The following SFTPA2 variants were observed in gnomAD, a reference collection of about 807,000 sequenced individuals.
SFTPA2 encodes pulmonary surfactant-associated protein A2.
SFTPA2 carries 21 observed loss-of-function variants against 20.3 expected under a neutral mutation model. The observed-to-expected ratio is 1.03, with a 90% CI of 0.73 to 1.49. The LOEUF (loss-of-function observed/expected upper bound fraction) is 1.49. SFTPA2 is among the 40% of genes most tolerant of loss of function. The pLI, the probability that SFTPA2 is intolerant of heterozygous loss-of-function variation, is 0.00. For missense variants in SFTPA2, 302 were observed against 314.8 expected (o/e 0.96, Z 0.31); for synonymous variants, 116 against 118.7 (o/e 0.98, Z 0.15).
At position 79,557,473 on chromosome 10, in the gene SFTPA2, G is replaced by T. The variant is rs370308896; in HGVS notation, c.483C>A (p.Arg161=). ...CCTCTGGATTCCTTGGGACAGCAATGCGGCCGCCTGCTCTGGCACATGCCT... is the reference window on the plus strand; with the variant it reads ...CCTCTGGATTCCTTGGGACAGCAATTCGGCCGCCTGCTCTGGCACATGCCT... ...IQEACARAGG[R]IAVPRNPEEN... The change falls in exon 6 of 6, where the codon CGC becomes CGA. Residue 161 remains arginine (R), a synonymous_variant. Coordinates refer to ENST00000372325, the MANE Select transcript of SFTPA2 (RefSeq NM_001098668.4). 2.4e-5 allele frequency: 38 copies of T among 1,613,666 alleles called. No individual in the cohort carries two copies. In the Middle Eastern group the frequency reaches 9.9e-4, roughly 42 times the overall value.
chr10:79,555,874 C>A lies in SFTPA2; in HGVS notation c.*1335G>T, dbSNP rs1327563338. The A allele has an allele frequency of 6.6e-6, 1 of 152,166 alleles. No individual in the cohort carries two copies. The highest frequency in any genetic ancestry group is 1.5e-5 in the Non-Finnish European group (1 of 68,028). 9.4% of individuals were successfully genotyped at this position (152,166 alleles called of 1,614,324 possible). On this transcript the variant is annotated 3_prime_UTR_variant, in exon 6 of 6. Coordinates refer to ENST00000372325, the MANE Select transcript of SFTPA2 (RefSeq NM_001098668.4). ...AGCTATGGAAACTCATGTGAACACA[C>A]TAACGATTTATTATGCTTAAATCAT... is the stretch of plus-strand genomic sequence containing the variant.
At chr10:79,557,919 A>G in intron 5 of SFTPA2, 133 bp downstream of exon 5, 1 of 1,441,508 alleles carries the variant, frequency 6.9e-7, no homozygotes, top group Admixed American at 1.7e-5. Context: ...ACATCAGAAA[A>G]GCAAGCATCA....
Position 79,557,535 on chromosome 10 carries a change from T to G in SFTPA2, c.421A>C (p.Ser141Arg), listed in dbSNP as rs2132047422. The G allele has an allele frequency of 6.2e-7, 1 of 1,613,042 alleles. No individual in the cohort carries two copies. Among genetic ancestry groups the G allele is most frequent in the Non-Finnish European group, 8.5e-7 (1 of 1,179,436 alleles). ...TCAAAAGTGATGGACTGCCCATTGCTGGAGAAGACCTTCTCTCCTACTGTC... is the reference window on the plus strand; with the variant it reads ...TCAAAAGTGATGGACTGCCCATTGCGGGAGAAGACCTTCTCTCCTACTGTC... ...IMTVGEKVFS[S>R]NGQSITFDAI... Residue 141 changes from serine (S) to arginine (R), a missense_variant, in exon 6 of 6, where the codon AGC (serine) becomes CGC (arginine). Physicochemically the swap from Ser to Arg is moderately radical, Grantham distance 110 (BLOSUM62 -1). Coordinates refer to ENST00000372325, the MANE Select transcript of SFTPA2 (RefSeq NM_001098668.4).
rs1228051242 is a variant in SFTPA2 at position 79,557,029 on chromosome 10, A to T, written c.*180T>A. On this transcript the variant is annotated 3_prime_UTR_variant, in exon 6 of 6. Transcript: ENST00000372325. ...AGGGGAGTGTCAAGGCTGGTCAGTG[A>T]TTATGGGGAAGAGTCAGGGCCCATC... 16 of 1,071,792 alleles carry T rather than the reference A, an allele frequency of 1.5e-5. No homozygotes were observed. Among genetic ancestry groups the T allele is most frequent in the Non-Finnish European group, 2.1e-5 (16 of 745,882 alleles). 66.4% of individuals were successfully genotyped at this position (1,071,792 alleles called of 1,614,324 possible). A position where few individuals can be genotyped will look rare whatever the true frequency, so the allele number is the denominator to read the frequency against.
chr10:79,559,351 C>G lies in SFTPA2; in HGVS notation c.133G>C (p.Asp45His). 6.2e-7 allele frequency: 1 copy of G among 1,613,852 alleles called. No homozygotes were observed. Among genetic ancestry groups the G allele is most frequent in the Non-Finnish European group, 8.5e-7 (1 of 1,179,792 alleles). ...TCTCCTTTGACACCATCTCTCCCGT[C>G]CCTGCCTGGCAGGCCGTGGGATCCA... Reference protein sequence around the residue: ...TPGSHGLPGRDGRDGVKGDPG... With the variant: ...TPGSHGLPGRHGRDGVKGDPG... Residue 45 changes from aspartate to histidine, a missense_variant, in exon 3 of 6, where the codon GAC becomes CAC. Around this residue, in one of 3 missense-constraint regions of SFTPA2, gnomAD observed 264 missense variants for 261.7 expected, o/e 1.01. Transcript: ENST00000372325.
rs921896293 is a variant in SFTPA2, at chr10:79,555,914, G to A, written c.*1295C>T. On this transcript the variant is annotated 3_prime_UTR_variant, in exon 6 of 6. Transcript: ENST00000372325. ...GCTTAAATCATCTTTATTCAGCTCA[G>A]GGGTGGGGTGGCTGGGAGCATGAAC... 1 of 152,202 alleles carries A rather than the reference G, an allele frequency of 6.6e-6. No homozygotes were observed. The highest frequency in any genetic ancestry group is 1.5e-5 in the Non-Finnish European group (1 of 68,032). The allele number at this position is 152,202 out of a possible 1,614,324, so 9.4% of individuals were successfully genotyped here.
rs1157106268 is a variant in SFTPA2, at chr10:79,556,091, T to C, written c.*1118A>G. ...GTGACATTGTGTAAAGATTGAATAG[T>C]ACATAATAAACTGTATTAAAAGATT... On this transcript the variant is annotated 3_prime_UTR_variant, in exon 6 of 6. Coordinates refer to ENST00000372325, the MANE Select transcript of SFTPA2 (RefSeq NM_001098668.4). The C allele has an allele frequency of 6.1e-6, 1 of 164,212 alleles. No homozygotes were observed. Among genetic ancestry groups the C allele is most frequent in the Admixed American group, 6.6e-5 (1 of 15,256 alleles). The allele number at this position is 164,212 out of a possible 1,614,324, so 10.2% of individuals were successfully genotyped here. A position where few individuals can be genotyped will look rare whatever the true frequency, so the allele number is the denominator to read the frequency against.
intron 4 of SFTPA2, among the ~76,000 whole-genome samples, chr10:79,558,577 C>A (rs1278056702): frequency 6.6e-6 from 1 of 152,114 alleles, no homozygotes; most frequent in Non-Finnish European, 1.5e-5. Context: ...CAGACTGCCC[C>A]CAGGGCCTCC....
chr10:79,557,955 C>T, intron 5 of SFTPA2, 97 bp downstream of exon 5: 2 of 1,579,934 alleles, frequency 1.3e-6, no homozygotes, highest in East Asian at 4.5e-5. Flanking sequence ...CCTGCATGTG[C>T]ACGCTTGTTT....
At chr10:79,558,342 A>T (rs1858929340) in intron 4 of SFTPA2, 1 of 633,110 alleles carries the variant, frequency 1.6e-6, no homozygotes, top group African/African-American at 2.0e-5. Flanking sequence ...GCCCCTGCTG[A>T]GACCCCCACC....
At chr10:79,559,741 G>C in intron 2 of SFTPA2, 1 of 1,537,928 alleles carries the variant, frequency 6.5e-7, no homozygotes, top group Non-Finnish European at 8.8e-7. Context: ...CTGAGGAGGA[G>C]GAAGAGTAAG....
chr10:79,557,952 G>A (rs573592746), intron 5 of SFTPA2, 100 bp downstream of exon 5: 11 of 1,571,674 alleles, frequency 7.0e-6, no homozygotes, highest in Middle Eastern at 3.4e-4. Flanking sequence ...ACACCTGCAT[G>A]TGCACGCTTG....
At chr10:79,560,047 G>A in intron 1 of SFTPA2, 49 bp from the exon 2 acceptor site, 1 of 1,076,314 alleles carries the variant, frequency 9.3e-7, no homozygotes, top group Non-Finnish European at 1.1e-6. Context: ...ACCCTTCAAG[G>A]TGATCATCGG....
intron 1 of SFTPA2, 129 bp from the exon 2 acceptor site, chr10:79,560,127 C>G (rs1859113161): frequency 1.6e-6 from 1 of 641,392 alleles, no homozygotes; most frequent in African/African-American, 2.0e-5. Flanking sequence ...CCCACTCCCC[C>G]TGCTTAGGCC....
Position 79,559,994 on chromosome 10 carries a change from G to C in SFTPA2, c.-49C>G. ...CTTCTTTTCAGGCTCCAAGAAATCA[G>C]CGACCTGAGAATGAAAAGAGATGAA... On this transcript the variant is annotated 5_prime_UTR_variant, in exon 2 of 6. Coordinates refer to ENST00000372325, the MANE Select transcript of SFTPA2 (RefSeq NM_001098668.4). 3.4e-6 allele frequency: 4 copies of C among 1,189,542 alleles called. No individual in the cohort carries two copies. The highest frequency in any genetic ancestry group is 2.1e-6 in the Non-Finnish European group (2 of 954,768). The allele number at this position is 1,189,542 out of a possible 1,614,324, so 73.7% of individuals were successfully genotyped here.
rs186649262 is a variant in SFTPA2 at position 79,556,390 on chromosome 10, G to A, written c.*819C>T. ...CTGGGTGAATGTATTAATAAAAGGGGAAAGTGGAGCCGGTGGCATGGGGGG... is the reference window on the plus strand; with the variant it reads ...CTGGGTGAATGTATTAATAAAAGGGAAAAGTGGAGCCGGTGGCATGGGGGG... On this transcript the variant is annotated 3_prime_UTR_variant, in exon 6 of 6. Coordinates refer to ENST00000372325, the MANE Select transcript of SFTPA2 (RefSeq NM_001098668.4). 7.8e-3 allele frequency: 1,273 copies of A among 163,782 alleles called. 10 individuals carry two copies. The highest frequency in any genetic ancestry group is 9.0e-3 in the Non-Finnish European group (613 of 68,314). 10.1% of individuals were successfully genotyped at this position (163,782 alleles called of 1,614,324 possible).
chr10:79,558,754 T>C (rs567210223), intron 4 of SFTPA2, 132 bp downstream of exon 4: 58 of 1,482,960 alleles, frequency 3.9e-5, no homozygotes, highest in Admixed American at 1.5e-4. Context: ...CAAATTCATA[T>C]TCTCTTACTT....
Position 79,557,135 on chromosome 10 carries a change from C to T in SFTPA2, c.*74G>A. 3.1e-6 allele frequency: 5 copies of T among 1,612,516 alleles called. No individual in the cohort carries two copies. On this transcript the variant is annotated 3_prime_UTR_variant, in exon 6 of 6. Coordinates refer to ENST00000372325, the MANE Select transcript of SFTPA2 (RefSeq NM_001098668.4). Reference sequence around the variant, plus strand: ...GTTGAAAGGGAGTTCTAGCATCTCACAGACCAAGTGGATCCTGGGGATGGA... The same window carrying T: ...GTTGAAAGGGAGTTCTAGCATCTCATAGACCAAGTGGATCCTGGGGATGGA...
In SFTPA2 at chr10:79,558,913, C is replaced by T. The variant is rs754731137; in HGVS notation, c.265G>A (p.Gly89Arg). ...PGVPGERGEKGEAGERGPPGL... is the reference protein window; with the variant it reads ...PGVPGERGEKREAGERGPPGL... ...GGAGGGCCTCTCTCGCCAGCCTCCC[C>T]CTTCTCTCCACGCTCTCCAGGGACA... The change falls in exon 4 of 6, where the codon GGG (glycine) becomes AGG (arginine). Residue 89 changes from glycine to arginine, a missense_variant. Gly to Arg is a moderately radical substitution (Grantham distance 125, BLOSUM62 -2). Coordinates refer to ENST00000372325, the MANE Select transcript of SFTPA2 (RefSeq NM_001098668.4). 6.8e-6 allele frequency: 11 copies of T among 1,614,152 alleles called. No homozygotes were observed. In the South Asian group the frequency reaches 8.8e-5, roughly 13 times the overall value.
Sources: allele counts gnomAD v4.1 joint callset (sites outside exome capture counted in the v4.1 genomes callset), GRCh38; gene constraint gnomAD v4.1.1; regional missense constraint gnomAD v4.1.1; transcripts MANE v1.5; gene names NCBI Gene and HGNC (gene_info 2026-07-23, HGNC 2026-07-21).